The following FARP1 variants were observed in gnomAD, a reference collection of about 807,000 sequenced individuals.
FARP1 encodes the protein FERM, ARHGEF and pleckstrin domain-containing protein 1.
Under a neutral mutation model 128.8 loss-of-function variants are expected in FARP1, and 52 were observed. The observed-to-expected ratio is 0.40, with a 90% CI of 0.32 to 0.51. FARP1 has a LOEUF of 0.51. Among genes scored for constraint, FARP1 ranks in the 20% least tolerant of loss-of-function variants. The probability of loss-of-function intolerance (pLI) is 0.45; values close to 1 mark genes in which losing one functional copy is unlikely to be tolerated. For missense variants in FARP1, 1,333 were observed against 1,367.9 expected, an observed-to-expected ratio of 0.97 and a Z score of 0.40; for synonymous variants, 580 against 551.8, an observed-to-expected ratio of 1.05 and a Z score of -0.72.
chr13:98,265,282 AC>A (rs1178323460), intron 2 of FARP1, among the ~76,000 whole-genome samples: 3 of 125,032 alleles, frequency 2.4e-5, no homozygotes, highest in African/African-American at 9.4e-5. Context: ...CATGACATAC[AC>A]CCACCCACCC....
rs1289083495 is a variant in FARP1, at chr13:98,181,628, ATTTATTTATTTATTT to A, written c.-23-31591_-23-31577del. On this transcript the variant is annotated intron_variant, in intron 1 of 26. Coordinates refer to ENST00000319562, the MANE Select transcript of FARP1 (RefSeq NM_005766.4). ...TATTTATTTATTTATTTATTTATTT[ATTTATTTATTTATTT>A]GAGAGAGAGAGAGAGAGAGTCTCAC... is the stretch of plus-strand genomic sequence containing the variant. 8.0e-3 allele frequency among the ~76,000 whole-genome samples: 783 copies of A among 97,372 alleles called. 8 individuals carry two copies. The highest frequency in any genetic ancestry group is 0.029 in the African/African-American group (668 of 23,220). 63.9% of individuals were successfully genotyped at this position (97,372 alleles called of 152,430 possible).
intron 2 of FARP1, among the ~76,000 whole-genome samples, chr13:98,248,865 G>A (rs1883195128): frequency 6.6e-6 from 1 of 152,006 alleles, no homozygotes; most frequent in Non-Finnish European, 1.5e-5. Context: ...TGTAGTGCTA[G>A]AAGCACTGTC....
At chr13:98,209,689 C>T (rs1389788968) in intron 1 of FARP1, among the ~76,000 whole-genome samples, 6 of 145,820 alleles carry the variant, frequency 4.1e-5, no homozygotes, top group African/African-American at 1.5e-4. Flanking sequence ...CCCAGCTACT[C>T]GGGATGCTGA....
At chr13:98,197,508 T>G (rs1306307432) in intron 1 of FARP1, among the ~76,000 whole-genome samples, 3 of 152,180 alleles carry the variant, frequency 2.0e-5, no homozygotes, top group Non-Finnish European at 2.9e-5. Context: ...AATAGATGTC[T>G]GTGGATGATA....
At chr13:98,316,729 G>T (rs1025427463) in intron 2 of FARP1, among the ~76,000 whole-genome samples, 3 of 152,222 alleles carry the variant, frequency 2.0e-5, no homozygotes, top group Admixed American at 1.3e-4. Context: ...TCCGTCATGG[G>T]GAGATTTTGC....
intron 2 of FARP1, among the ~76,000 whole-genome samples, chr13:98,341,776 A>G (rs9584805): frequency 0.33 from 49,636 of 152,170 alleles, 8,902 homozygotes; most frequent in African/African-American, 0.45. Context: ...ACATAGTGAA[A>G]AGAAATTGAG....
chr13:98,348,523 A>G, intron 3 of FARP1, among the ~76,000 whole-genome samples: 1 of 152,212 alleles, frequency 6.6e-6, no homozygotes, highest in East Asian at 1.9e-4. Context: ...AAAACTGGAC[A>G]CGGAAGCCTG....
chr13:98,340,406 G>A (rs1461279242), intron 2 of FARP1, among the ~76,000 whole-genome samples: 4 of 152,098 alleles, frequency 2.6e-5, no homozygotes, highest in African/African-American at 7.2e-5. Context: ...GTGCAGTGGT[G>A]TGATCTCGGC....
chr13:98,245,000 T>A, intron 2 of FARP1: 1 of 1,141,418 alleles, frequency 8.8e-7, no homozygotes, highest in Non-Finnish European at 1.1e-6. Context: ...AGGGGAAGAT[T>A]CATTTCTATT....
At chr13:98,395,511 T>C (rs748712423) in intron 13 of FARP1, 35 bp downstream of exon 13, 21 of 1,539,718 alleles carry the variant, frequency 1.4e-5, no homozygotes, top group Non-Finnish European at 1.6e-5. Context: ...GCAGCAGTAC[T>C]TCCATTCCTT....
At chr13:98,314,274 C>CTTTTTTTTTTTTTT (rs140938723) in intron 2 of FARP1, among the ~76,000 whole-genome samples, 1 of 59,986 alleles carries the variant, frequency 1.7e-5, no homozygotes, top group Non-Finnish European at 2.9e-5. Context: ...TATTTTATGT[C>CTTTTTTTTTTTTTT]TTTTTTTTTT....
intron 1 of FARP1, among the ~76,000 whole-genome samples, chr13:98,156,595 A>T (rs1825415303): frequency 1.3e-5 from 2 of 151,908 alleles, no homozygotes; most frequent in African/African-American, 4.8e-5. Context: ...TTGTGTAGAA[A>T]TGGGACTTTG....
chr13:98,438,561 A>C (rs1214797064), intron 19 of FARP1, among the ~76,000 whole-genome samples: 1 of 152,078 alleles, frequency 6.6e-6, no homozygotes, highest in Non-Finnish European at 1.5e-5. Context: ...AGGGTTTAGC[A>C]CAGCACCTGG....
rs911321411 is a variant in FARP1 at position 98,284,111 on chromosome 13, C to T, written c.172-59651C>T. On this transcript the variant is annotated intron_variant, in intron 2 of 26. Coordinates refer to ENST00000319562, the MANE Select transcript of FARP1 (RefSeq NM_005766.4). ...AACAAGTTTGTCCAACGCCCATGGCCCAGGATGGCTTTGAATGAGGCCCAA... is the reference window on the plus strand; with the variant it reads ...AACAAGTTTGTCCAACGCCCATGGCTCAGGATGGCTTTGAATGAGGCCCAA... Among the ~76,000 whole-genome samples the T allele has an allele frequency of 1.4e-4, 22 of 151,984 alleles. 1 individual carries two copies. The highest frequency in any genetic ancestry group is 5.1e-4 in the African/African-American group (21 of 41,390).
chr13:98,162,049 G>C (rs752743687), intron 1 of FARP1, among the ~76,000 whole-genome samples: 1 of 152,108 alleles, frequency 6.6e-6, no homozygotes, highest in Non-Finnish European at 1.5e-5. Context: ...CAAAGTGCTG[G>C]GATTACAGGC....
chr13:98,430,252 A>C (rs1427961759), intron 17 of FARP1, among the ~76,000 whole-genome samples: 1 of 152,230 alleles, frequency 6.6e-6, no homozygotes, highest in Non-Finnish European at 1.5e-5. Flanking sequence ...ACCCTGTCAC[A>C]AAAAATAAAA....
intron 1 of FARP1, among the ~76,000 whole-genome samples, chr13:98,146,444 T>A (rs1875566546): frequency 6.6e-6 from 1 of 152,222 alleles, no homozygotes; most frequent in Non-Finnish European, 1.5e-5. Context: ...GTCAGGCTGG[T>A]CTTGAACTCC....
chr13:98,159,372 G>C (rs12875126), intron 1 of FARP1: 1 of 152,324 alleles, frequency 6.6e-6, no homozygotes, highest in East Asian at 1.9e-4. Flanking sequence ...GAGTGTGCCA[G>C]ATGAGGGTGA....
At chr13:98,318,661 GGCGCCAGGTTGGGAGGGAGAGCTGGTT>G (rs1886849224) in intron 2 of FARP1, among the ~76,000 whole-genome samples, 1 of 152,160 alleles carries the variant, frequency 6.6e-6, no homozygotes. Context: ...GACCTTGCAT[GGCGCCAGGTTGGGAGGGAGAGCTGGTT>G]GCCCAGACTG....
Sources: gnomAD v4.1 joint callset for allele counts (sites outside exome capture counted in the v4.1 genomes callset) on GRCh38, gnomAD v4.1.1 for gene constraint, MANE v1.5 for transcripts, NCBI Gene and HGNC (gene_info 2026-07-23, HGNC 2026-07-21) for gene names.